The following IQCM variants were observed in gnomAD, a reference collection of about 807,000 sequenced individuals.
IQCM encodes the protein IQ domain-containing protein M.
Under a neutral mutation model 57.6 loss-of-function variants are expected in IQCM, and 45 were observed. The ratio of observed to expected loss-of-function variants is 0.78; its 90% CI spans 0.62 to 1.00. The LOEUF (loss-of-function observed/expected upper bound fraction) is 1.00. Among genes scored for constraint, IQCM ranks in the 50% least tolerant of loss-of-function variants. The probability of loss-of-function intolerance (pLI) is 0.00; values close to 1 mark genes in which losing one functional copy is unlikely to be tolerated. For synonymous variants in IQCM, 148 were observed against 158.9 expected, an observed-to-expected ratio of 0.93 and a Z score of 0.51; for missense variants, 468 against 511.6, an observed-to-expected ratio of 0.91 and a Z score of 0.82.
At chr4:149,717,249 G>A (rs1348497297) in intron 5 of IQCM, among the ~76,000 whole-genome samples, 1 of 152,114 alleles carries the variant, frequency 6.6e-6, no homozygotes, top group Non-Finnish European at 1.5e-5. Flanking sequence ...CGGGCAGTTT[G>A]AGGACTAAGC....
chr4:149,465,723 C>T (rs532771629), intron 12 of IQCM, among the ~76,000 whole-genome samples: 4 of 149,356 alleles, frequency 2.7e-5, no homozygotes, highest in South Asian at 4.2e-4. Context: ...AGGGCTTCTT[C>T]AAGAAGGAAA....
intron 13 of IQCM, among the ~76,000 whole-genome samples, chr4:149,379,763 A>C (rs1446689928): frequency 2.0e-5 from 3 of 152,196 alleles, no homozygotes; most frequent in African/African-American, 7.2e-5. Flanking sequence ...GACTGTTGGA[A>C]TGGCATGATT....
intron 7 of IQCM, among the ~76,000 whole-genome samples, chr4:149,647,060 T>C (rs1758704566): frequency 6.6e-6 from 1 of 152,172 alleles, no homozygotes; most frequent in Non-Finnish European, 1.5e-5. Flanking sequence ...TTGTTCCTTT[T>C]CTCCCCCTTC....
chr4:149,417,820 C>CTT lies in IQCM; in HGVS notation c.1390+15574_1390+15575dup, dbSNP rs370591152. Among the ~76,000 whole-genome samples the CTT allele has an allele frequency of 7.9e-3, 1,064 of 134,780 alleles. 17 individuals are homozygous for CTT. Among genetic ancestry groups the CTT allele is most frequent in the African/African-American group, 0.027 (1,003 of 36,954 alleles). 88.4% of individuals were successfully genotyped at this position (134,780 alleles called of 152,430 possible). On this transcript the variant is annotated intron_variant, in intron 13 of 13. Coordinates refer to ENST00000636793, the MANE Select transcript of IQCM (RefSeq NM_001363507.2). ...AAAGCATTCTCTATTTCCCTTTTTC[C>CTT]TTTTTTTTTTTTTTTGGAAGGCACT... is the stretch of plus-strand genomic sequence containing the variant.
At chr4:149,716,160 C>A (rs373754619) in intron 5 of IQCM, among the ~76,000 whole-genome samples, 1 of 152,210 alleles carries the variant, frequency 6.6e-6, no homozygotes, top group African/African-American at 2.4e-5. Flanking sequence ...ACCCACAGCA[C>A]CCAAGCTGTT....
chr4:149,377,046 T>C (rs1730746052), intron 13 of IQCM, among the ~76,000 whole-genome samples: 1 of 152,256 alleles, frequency 6.6e-6, no homozygotes, highest in Non-Finnish European at 1.5e-5. Context: ...AAATTAAAGT[T>C]TATAATAATA....
At chr4:149,761,401 C>T (rs1362254602) in intron 2 of IQCM, among the ~76,000 whole-genome samples, 1 of 151,998 alleles carries the variant, frequency 6.6e-6, no homozygotes, top group Admixed American at 6.6e-5. Flanking sequence ...CTACTACCAC[C>T]CTGTGCTTTC....
chr4:149,625,268 T>C (rs184034584), intron 7 of IQCM, among the ~76,000 whole-genome samples: 1 of 152,310 alleles, frequency 6.6e-6, no homozygotes, highest in Admixed American at 6.5e-5. Flanking sequence ...ACAAGGCCTT[T>C]ACTCTAAAAT....
At chr4:149,559,113 A>G (rs1749873061) in intron 10 of IQCM, among the ~76,000 whole-genome samples, 1 of 152,074 alleles carries the variant, frequency 6.6e-6, no homozygotes, top group African/African-American at 2.4e-5. Context: ...AAATACAACC[A>G]AACCCAAAGT....
intron 13 of IQCM, among the ~76,000 whole-genome samples, chr4:149,431,890 C>T (rs914480185): frequency 5.9e-5 from 9 of 151,446 alleles, no homozygotes; most frequent in African/African-American, 2.2e-4. Context: ...TGAAGAACAG[C>T]TGTGTTGTTT....
chr4:149,747,758 G>C (rs1768067344), intron 2 of IQCM, among the ~76,000 whole-genome samples: 1 of 152,170 alleles, frequency 6.6e-6, no homozygotes, highest in South Asian at 2.1e-4. Context: ...GGACCACATG[G>C]AACAGTGGCA....
chr4:149,813,005 T>G (rs1419300171), intron 2 of IQCM, among the ~76,000 whole-genome samples: 1 of 152,200 alleles, frequency 6.6e-6, no homozygotes, highest in Admixed American at 6.6e-5. Flanking sequence ...TGTCAGGCTA[T>G]ATTTAAACCT....
At chr4:149,648,690 T>C (rs548128881) in intron 7 of IQCM, among the ~76,000 whole-genome samples, 17 of 152,116 alleles carry the variant, frequency 1.1e-4, no homozygotes, top group African/African-American at 3.9e-4. Context: ...TAGGTGGGAA[T>C]TGAACAATGA....
At chr4:149,360,705 T>A (rs1729415588) in intron 13 of IQCM, among the ~76,000 whole-genome samples, 1 of 152,214 alleles carries the variant, frequency 6.6e-6, no homozygotes, top group African/African-American at 2.4e-5. Context: ...ATGTAAGAAG[T>A]GCCATTCACC....
intron 9 of IQCM, among the ~76,000 whole-genome samples, chr4:149,580,251 C>T (rs1472179293): frequency 6.6e-6 from 1 of 151,772 alleles, no homozygotes; most frequent in Non-Finnish European, 1.5e-5. Flanking sequence ...GCCGATCTAT[C>T]TTTGAGAAAC....
chr4:149,760,365 A>G (rs1580225341), intron 2 of IQCM, among the ~76,000 whole-genome samples: 1 of 152,288 alleles, frequency 6.6e-6, no homozygotes, highest in Non-Finnish European at 1.5e-5. Context: ...AATAAAAGCA[A>G]TTTAGAATAA....
chr4:149,571,502 G>A (rs1247311683), intron 9 of IQCM, among the ~76,000 whole-genome samples: 1 of 152,010 alleles, frequency 6.6e-6, no homozygotes, highest in African/African-American at 2.4e-5. Context: ...GCAGGTGTTA[G>A]GGAGATGTTG....
intron 2 of IQCM, 55 bp downstream of exon 2, chr4:149,815,256 A>T (rs892418607): frequency 2.6e-5 from 4 of 151,938 alleles, no homozygotes; most frequent in African/African-American, 9.7e-5. Flanking sequence ...TCAGACACTG[A>T]CCAAGGGGCC....
At chr4:149,674,566 G>A (rs1761586569) in intron 7 of IQCM, among the ~76,000 whole-genome samples, 1 of 152,110 alleles carries the variant, frequency 6.6e-6, no homozygotes, top group South Asian at 2.1e-4. Flanking sequence ...TGGCCTTACT[G>A]TTAGAGAGGC....
Sources: allele counts gnomAD v4.1 joint callset (sites outside exome capture counted in the v4.1 genomes callset), GRCh38; gene constraint gnomAD v4.1.1; transcripts MANE v1.5; gene names NCBI Gene and HGNC (gene_info 2026-07-23, HGNC 2026-07-21).